Variants in KDM5B observed in about 807,000 individuals in gnomAD.
The protein encoded by KDM5B is lysine-specific demethylase 5B.
KDM5B carries 144 observed loss-of-function variants against 193.4 expected under a neutral mutation model. The observed-to-expected ratio is 0.74, with a 90% CI of 0.65 to 0.86. KDM5B has a LOEUF of 0.86. Among genes scored for constraint, KDM5B ranks in the 40% least tolerant of loss-of-function variants. The probability of loss-of-function intolerance (pLI) is 0.00; values close to 1 mark genes in which losing one functional copy is unlikely to be tolerated. For missense variants in KDM5B, 1,833 were observed against 1,886.9 expected, an observed-to-expected ratio of 0.97 and a Z score of 0.53; for synonymous variants, 668 against 682.6, an observed-to-expected ratio of 0.98 and a Z score of 0.33.
rs778540878 is a variant in KDM5B at position 202,735,468 on chromosome 1, C to T, written c.3384G>A (p.Leu1128=). The change falls in exon 22 of 27, where the codon CTG becomes CTA. Residue 1128 remains leucine (L), a synonymous_variant. Transcript: ENST00000367265. The stretch of plus-strand genomic sequence containing the variant: ...CCTTGCTTTCAGTTAAAGCTCTCTC[C>T]AGGTCACTCAGACTCTCTAATTTGG... ...KSTKLESLSD[L]ERALTESKET... is the part of the protein sequence containing the mutation. 2 of 1,614,082 alleles carry T rather than the reference C, an allele frequency of 1.2e-6. No individual in the cohort carries two copies. The highest frequency in any genetic ancestry group is 1.7e-6 in the Non-Finnish European group (2 of 1,179,972).
intron 1 of KDM5B, among the ~76,000 whole-genome samples, chr1:202,785,221 A>G (rs1657358985): frequency 6.6e-6 from 1 of 152,176 alleles, no homozygotes; most frequent in Admixed American, 6.5e-5. Flanking sequence ...ACTTACCTTT[A>G]AGGACCTTAT....
chr1:202,751,466 T>C (rs1040845178), intron 12 of KDM5B, among the ~76,000 whole-genome samples: 2 of 152,144 alleles, frequency 1.3e-5, no homozygotes, highest in Non-Finnish European at 2.9e-5. Context: ...ACCAGCCATC[T>C]GTGTAGTAAT....
rs1656992408 is a variant in KDM5B at position 202,777,199 on chromosome 1, A to G, written c.205-105T>C. On this transcript the variant is annotated intron_variant, in intron 1 of 26. Transcript: ENST00000367265. ...GGTTAGGTAAATCTTATTCTAACCA[A>G]TCAAACAAAATAGAACACAGAGTAG... The G allele has an allele frequency of 3.1e-5, 25 of 819,590 alleles. 1 individual carries two copies. In the South Asian group the frequency reaches 3.5e-4, roughly 11 times the overall value. 50.8% of individuals were successfully genotyped at this position (819,590 alleles called of 1,614,324 possible).
At chr1:202,789,999 G>C (rs1259311887) in intron 1 of KDM5B, among the ~76,000 whole-genome samples, 1 of 151,824 alleles carries the variant, frequency 6.6e-6, no homozygotes, top group Non-Finnish European at 1.5e-5. Flanking sequence ...GAGGTGGGCA[G>C]ATCACTTGAG....
At position 202,775,879 on chromosome 1, in the gene KDM5B, A is replaced by T. The variant is rs865889697; in HGVS notation, c.282+1138T>A. ...CTCAAAAAAAAAAAAAAAAAAAAAA[A>T]ATATATATATATATATATATATATA... On this transcript the variant is annotated intron_variant, in intron 2 of 26. Transcript: ENST00000367265. Among the ~76,000 whole-genome samples, 615 of 93,146 alleles carry T rather than the reference A, an allele frequency of 6.6e-3. 11 individuals are homozygous for T. Among genetic ancestry groups the T allele is most frequent in the African/African-American group, 0.021 (465 of 22,040 alleles). The allele number at this position is 93,146 out of a possible 152,430, so 61.1% of individuals were successfully genotyped here.
intron 19 of KDM5B, 92 bp from the exon 20 acceptor site, chr1:202,740,904 C>T (rs1655311498): frequency 7.8e-6 from 10 of 1,288,138 alleles, no homozygotes; most frequent in Non-Finnish European, 1.1e-5. Flanking sequence ...AAAGGAAATT[C>T]AGTATGGCAA....
At chr1:202,807,494 G>A (rs1020501620) in intron 1 of KDM5B, among the ~76,000 whole-genome samples, 1 of 150,844 alleles carries the variant, frequency 6.6e-6, no homozygotes, top group Non-Finnish European at 1.5e-5. Flanking sequence ...CTGGAGGCCC[G>A]GGGACCAGGC....
chr1:202,764,657 A>C lies in KDM5B; in HGVS notation c.712-512T>G, dbSNP rs116853956. Among the ~76,000 whole-genome samples the C allele has an allele frequency of 3.0e-4, 46 of 152,130 alleles. No individual in the cohort carries two copies. In the East Asian group the frequency reaches 8.9e-3, roughly 29 times the overall value. On this transcript the variant is annotated intron_variant, in intron 5 of 26. Transcript: ENST00000367265. Reference sequence around the variant, plus strand: ...CTCAAAAACAAACAAACAAACAAAAAAACAAATAGGGAAAAGTCAAAGGAT... The same window carrying C: ...CTCAAAAACAAACAAACAAACAAAACAACAAATAGGGAAAAGTCAAAGGAT...
At chr1:202,799,686 GAAAA>G (rs891726505) in intron 1 of KDM5B, among the ~76,000 whole-genome samples, 6 of 150,458 alleles carry the variant, frequency 4.0e-5, no homozygotes, top group Non-Finnish European at 7.4e-5. Context: ...TTTTAAAAAA[GAAAA>G]AAACGTGATA....
intron 9 of KDM5B, among the ~76,000 whole-genome samples, chr1:202,757,230 G>A (rs1656058595): frequency 6.6e-6 from 1 of 152,206 alleles, no homozygotes; most frequent in African/African-American, 2.4e-5. Flanking sequence ...CGGGTGTAAT[G>A]TTTGCCCACT....
chr1:202,730,989 G>A lies in KDM5B; in HGVS notation c.4096C>T (p.Leu1366Phe). ...GGCTTTGCAAGTAAAGTCTGGTAAA[G>A]TTCCTGAATTTCAGGAAGGGATACC... is the stretch of plus-strand genomic sequence containing the variant. Reference protein sequence around the residue: ...LQVSLPEIQELYQTLLAKPSP... With the variant: ...LQVSLPEIQEFYQTLLAKPSP... Residue 1366 changes from leucine to phenylalanine, a missense_variant, in exon 25 of 27, where the codon CTT (leucine) becomes TTT (phenylalanine). Physicochemically the swap from Leu to Phe is conservative, Grantham distance 22. This residue lies in a region of KDM5B where 1,379 missense variants were observed against 1,349.6 expected (regional missense o/e 1.02). Coordinates refer to ENST00000367265, the MANE Select transcript of KDM5B (RefSeq NM_006618.5). 1 of 1,613,806 alleles carries A rather than the reference G, an allele frequency of 6.2e-7. No homozygotes were observed.
intron 1 of KDM5B, among the ~76,000 whole-genome samples, chr1:202,785,629 T>G (rs1375121626): frequency 2.6e-5 from 4 of 152,102 alleles, no homozygotes; most frequent in Admixed American, 2.6e-4. Context: ...ATATTAGTTT[T>G]GGGAAGGTGT....
At position 202,733,837 on chromosome 1, in the gene KDM5B, G is replaced by A. The variant is rs749477196; in HGVS notation, c.3473C>T (p.Ser1158Phe). ...ARLREMEALQ[S>F]LRLANEGKLL... ...TTTCCCTTCATTGGCGAGTCTGAGAGACTGCAAGGCTTCCATTTCCCTTAG... is the reference window on the plus strand; with the variant it reads ...TTTCCCTTCATTGGCGAGTCTGAGAAACTGCAAGGCTTCCATTTCCCTTAG... Residue 1158 changes from serine to phenylalanine, a missense_variant, in exon 23 of 27, where the codon TCT becomes TTT. Physicochemically the swap from Ser to Phe is radical, Grantham distance 155. This residue lies in a region of KDM5B where 1,379 missense variants were observed against 1,349.6 expected (regional missense o/e 1.02). Coordinates refer to ENST00000367265, the MANE Select transcript of KDM5B (RefSeq NM_006618.5). 3 of 1,613,932 alleles carry A rather than the reference G, an allele frequency of 1.9e-6. No individual in the cohort carries two copies. In the African/African-American group the frequency reaches 4.0e-5, roughly 22 times the overall value.
At chr1:202,789,684 T>A (rs568454175) in intron 1 of KDM5B, among the ~76,000 whole-genome samples, 35 of 80,768 alleles carry the variant, frequency 4.3e-4, no homozygotes, top group South Asian at 3.8e-3. Flanking sequence ...ATAAAAAAAA[T>A]TTTTTTTTTA....
chr1:202,742,797 T>A lies in KDM5B; in HGVS notation c.2332A>T (p.Ser778Cys). 1 of 1,613,664 alleles carries A rather than the reference T, an allele frequency of 6.2e-7. No homozygotes were observed. The highest frequency in any genetic ancestry group is 8.5e-7 in the Non-Finnish European group (1 of 1,179,648). The part of the protein sequence containing the change: ...AKINKKKSLV[S>C]FKALIEESEM... ...GATTCTTCAATTAAAGCCTTGAAGCTGACAAGGCCTAGGAATGAAGAAAAA... is the reference window on the plus strand; with the variant it reads ...GATTCTTCAATTAAAGCCTTGAAGCAGACAAGGCCTAGGAATGAAGAAAAA... Residue 778 changes from serine (S) to cysteine (C), a missense_variant, in exon 17 of 27, where the codon AGC becomes TGC. This residue lies in a region of KDM5B where 1,379 missense variants were observed against 1,349.6 expected (regional missense o/e 1.02). Transcript: ENST00000367265.
intron 1 of KDM5B, among the ~76,000 whole-genome samples, chr1:202,781,891 G>A (rs1187581199): frequency 6.6e-6 from 1 of 152,174 alleles, no homozygotes; most frequent in Non-Finnish European, 1.5e-5. Flanking sequence ...TTCCCTGATT[G>A]ATCAGATAAT....
chr1:202,763,193 T>A (rs1572739058), intron 6 of KDM5B, among the ~76,000 whole-genome samples: 1 of 152,206 alleles, frequency 6.6e-6, no homozygotes, highest in African/African-American at 2.4e-5. Flanking sequence ...TATCTCTCCA[T>A]GATCTAAGAT....
chr1:202,805,056 T>C (rs1658238134), intron 1 of KDM5B, among the ~76,000 whole-genome samples: 1 of 152,276 alleles, frequency 6.6e-6, no homozygotes, highest in Admixed American at 6.5e-5. Context: ...CATCTCCAAA[T>C]ACCACAAAGT....
Position 202,742,817 on chromosome 1 carries a change from G to A in KDM5B, c.2324-12C>T. On this transcript the variant is annotated splice_polypyrimidine_tract_variant and intron_variant, in intron 16 of 26. Transcript: ENST00000367265. The stretch of plus-strand genomic sequence containing the variant: ...GAAGCTGACAAGGCCTAGGAATGAA[G>A]AAAAAAGTCATATTTTCTGTAATCA... 6.2e-7 allele frequency: 1 copy of A among 1,605,642 alleles called. No individual in the cohort carries two copies. The highest frequency in any genetic ancestry group is 1.3e-5 in the African/African-American group (1 of 74,350).
Sources: gnomAD v4.1 joint callset for allele counts (sites outside exome capture counted in the v4.1 genomes callset) on GRCh38, gnomAD v4.1.1 for gene constraint, gnomAD v4.1.1 regional missense constraint, MANE v1.5 for transcripts, NCBI Gene and HGNC (gene_info 2026-07-23, HGNC 2026-07-21) for gene names.